The following ZFPM1 variants were observed in gnomAD, a reference collection of about 807,000 sequenced individuals.
ZFPM1 encodes the protein zinc finger protein ZFPM1.
In ZFPM1, 28 loss-of-function variants were observed where a neutral mutation model predicts 46.3. The observed-to-expected ratio is 0.60, with a 90% CI of 0.45 to 0.83. The LOEUF is 0.83. ZFPM1 is among the 40% of genes least tolerant of loss of function. ZFPM1 has a pLI of 0.00. For synonymous variants in ZFPM1, 957 were observed against 675.9 expected (o/e 1.42, Z -6.45); for missense variants, 1,878 against 1,432.4 (o/e 1.31, Z -5.02).
intron 4 of ZFPM1, chr16:88,516,135 A>T: frequency 2.5e-6 from 1 of 398,634 alleles, no homozygotes; most frequent in Non-Finnish European, 4.4e-6. Flanking sequence ...AGGCTCCAAG[A>T]TGTTAAGTCA....
chr16:88,468,906 C>T (rs190634373), intron 1 of ZFPM1: 2 of 151,596 alleles, frequency 1.3e-5, no homozygotes, highest in African/African-American at 2.5e-5. Context: ...CCACCACCAC[C>T]GGCTCTGGAA....
intron 4 of ZFPM1, among the ~76,000 whole-genome samples, chr16:88,520,912 G>C (rs1275767598): frequency 7.7e-6 from 1 of 129,068 alleles, no homozygotes; most frequent in African/African-American, 3.0e-5. Flanking sequence ...TGGATGGATG[G>C]ATGGATGATT....
Position 88,533,240 on chromosome 16 carries a change from C to G in ZFPM1, c.1282C>G (p.Leu428Val), listed in dbSNP as rs1304689258. 5 of 1,562,602 alleles carry G rather than the reference C, an allele frequency of 3.2e-6. No individual in the cohort carries two copies. Among genetic ancestry groups the G allele is most frequent in the East Asian group, 2.3e-5 (1 of 42,778 alleles). The change falls in exon 10 of 10, where the codon CTG (leucine) becomes GTG (valine). Residue 428 changes from leucine (L) to valine (V), a missense_variant. Physicochemically the swap from Leu to Val is conservative, Grantham distance 32. Coordinates refer to ENST00000319555, the MANE Select transcript of ZFPM1 (RefSeq NM_153813.3). ...LGLAPTPSPG[L>V]DRKALAEATN... is the part of the protein sequence containing the mutation. Reference sequence around the variant, plus strand: ...CCTGGCGCCCACCCCATCGCCAGGACTGGACAGAAAGGCCCTGGCCGAGGC... The same window carrying G: ...CCTGGCGCCCACCCCATCGCCAGGAGTGGACAGAAAGGCCCTGGCCGAGGC...
chr16:88,523,646 C>A (rs751489178), intron 4 of ZFPM1, among the ~76,000 whole-genome samples: 5 of 152,356 alleles, frequency 3.3e-5, no homozygotes, highest in South Asian at 2.1e-4. Flanking sequence ...GCAGCCAGGG[C>A]AGACTGGCAG....
intron 3 of ZFPM1, among the ~76,000 whole-genome samples, chr16:88,512,580 G>A (rs963314021): frequency 4.0e-5 from 6 of 151,734 alleles, no homozygotes; most frequent in African/African-American, 1.2e-4. Context: ...GGAGAGCAGA[G>A]GCCTGCATGC....
In ZFPM1 at chr16:88,532,724, G is replaced by A. The variant is rs1366424757; in HGVS notation, c.1042+15G>A. 3 of 1,612,300 alleles carry A rather than the reference G, an allele frequency of 1.9e-6. No homozygotes were observed. The Admixed American group carries it at 5.0e-5, about 27-fold the overall frequency. On this transcript the variant is annotated intron_variant, in intron 8 of 9. Transcript: ENST00000319555. ...CACGCTGAGCGGTAGGCACCGCAGGGGCCGGGGGGTGTGTGGGTCCCGCCT... is the reference window on the plus strand; with the variant it reads ...CACGCTGAGCGGTAGGCACCGCAGGAGCCGGGGGGTGTGTGGGTCCCGCCT...
At chr16:88,452,801 G>C (rs1179824937), upstream of ZFPM1, among the ~76,000 whole-genome samples, 4 of 152,200 alleles carry the variant, frequency 2.6e-5, no homozygotes, top group Non-Finnish European at 5.9e-5. Context: ...GTCAGGTTTG[G>C]AGGCGGAGCT....
At position 88,533,323 on chromosome 16, in the gene ZFPM1, C is replaced by T. The variant is rs907573016; in HGVS notation, c.1365C>T (p.Pro455=). Residue 455 remains proline, a synonymous_variant, in exon 10 of 10, where the codon CCC becomes CCT. Transcript: ENST00000319555. ...PLAQNGGSSE[P]PAAPRSIKVE... is the part of the protein sequence containing the mutation. ...CCCAGAATGGAGGCAGCAGCGAGCC[C>T]CCGGCGGCCCCCAGGAGCATCAAGG... 6.5e-7 allele frequency: 1 copy of T among 1,532,736 alleles called. No homozygotes were observed. 94.9% of individuals were successfully genotyped at this position (1,532,736 alleles called of 1,614,324 possible). A position where few individuals can be genotyped will look rare whatever the true frequency, so the allele number is the denominator to read the frequency against.
At chr16:88,506,787 G>A (rs1910686226) in intron 3 of ZFPM1, among the ~76,000 whole-genome samples, 1 of 152,216 alleles carries the variant, frequency 6.6e-6, no homozygotes, top group South Asian at 2.1e-4. Flanking sequence ...AGGAGGCAGG[G>A]TGGGAGCCCT....
intron 1 of ZFPM1, among the ~76,000 whole-genome samples, chr16:88,482,172 G>A (rs1292052411): frequency 3.3e-5 from 5 of 152,292 alleles, no homozygotes; most frequent in Admixed American, 1.3e-4. Context: ...CCCGGGCATG[G>A]GGAGAAAGCA....
chr16:88,523,760 T>C (rs1236794150), intron 4 of ZFPM1, among the ~76,000 whole-genome samples: 1 of 152,134 alleles, frequency 6.6e-6, no homozygotes, highest in Non-Finnish European at 1.5e-5. Flanking sequence ...CCGGAGCTGC[T>C]TATCTTGCAC....
intron 3 of ZFPM1, among the ~76,000 whole-genome samples, chr16:88,512,510 G>T (rs1385463862): frequency 6.6e-6 from 1 of 152,150 alleles, no homozygotes; most frequent in Admixed American, 6.5e-5. Flanking sequence ...GCCCTCAGGG[G>T]CTTCTCGGAC....
At chr16:88,490,217 C>G (rs1909484469) in intron 3 of ZFPM1, among the ~76,000 whole-genome samples, 2 of 152,262 alleles carry the variant, frequency 1.3e-5, no homozygotes, top group East Asian at 3.9e-4. Context: ...CCATGCCCGG[C>G]TAATTTTTCT....
intron 4 of ZFPM1, among the ~76,000 whole-genome samples, chr16:88,520,074 T>G (rs920905962): frequency 1.3e-5 from 2 of 150,314 alleles, no homozygotes. Flanking sequence ...TATGGGTGGA[T>G]GGATGAGTGG....
intron 1 of ZFPM1, among the ~76,000 whole-genome samples, chr16:88,470,892 C>A (rs1043499774): frequency 6.6e-6 from 1 of 152,026 alleles, no homozygotes; most frequent in African/African-American, 2.4e-5. Context: ...GGAAACACAT[C>A]CTCGCCGAGC....
intron 1 of ZFPM1, among the ~76,000 whole-genome samples, chr16:88,473,123 G>A (rs1597234372): frequency 1.3e-5 from 2 of 152,260 alleles, no homozygotes; most frequent in East Asian, 3.8e-4. Flanking sequence ...TGAGACCCTG[G>A]AACGAGGAAA....
At chr16:88,488,010 G>A (rs891909255) in intron 2 of ZFPM1, among the ~76,000 whole-genome samples, 17 of 152,250 alleles carry the variant, frequency 1.1e-4, no homozygotes, top group African/African-American at 3.6e-4. Context: ...CAGTCCCGGG[G>A]CCGGGCTCTT....
At chr16:88,457,879 G>A (rs1448617925) in intron 1 of ZFPM1, among the ~76,000 whole-genome samples, 1 of 152,080 alleles carries the variant, frequency 6.6e-6, no homozygotes, top group Non-Finnish European at 1.5e-5. Flanking sequence ...AGGGTCTGGC[G>A]GACCCCGGAG....
chr16:88,454,208 G>T (rs891778354), intron 1 of ZFPM1, among the ~76,000 whole-genome samples: 106 of 152,270 alleles, frequency 7.0e-4, no homozygotes, highest in Non-Finnish European at 1.1e-3. Flanking sequence ...TGGCCAAGTG[G>T]CAGGCACCGG....
Sources: gnomAD v4.1 joint callset for allele counts (sites outside exome capture counted in the v4.1 genomes callset) on GRCh38, gnomAD v4.1.1 for gene constraint, MANE v1.5 for transcripts, NCBI Gene and HGNC (gene_info 2026-07-23, HGNC 2026-07-21) for gene names.